CHST12: variants seen among roughly 807,000 people sequenced by gnomAD.
The protein encoded by CHST12 is carbohydrate sulfotransferase 12, also known as carbohydrate (chondroitin 4) sulfotransferase 12.
CHST12 carries 23 observed loss-of-function variants against 27.9 expected under a neutral mutation model. The ratio of observed to expected loss-of-function variants is 0.82; its 90% CI spans 0.59 to 1.17. The LOEUF (loss-of-function observed/expected upper bound fraction) is 1.17. CHST12 is among the 50% of genes most tolerant of loss of function. The probability of loss-of-function intolerance (pLI) is 0.00; values close to 1 mark genes in which losing one functional copy is unlikely to be tolerated. For missense variants in CHST12, 682 were observed against 603.0 expected (o/e 1.13, Z -1.37); for synonymous variants, 322 against 273.0 (o/e 1.18, Z -1.77).
At position 2,441,420 on chromosome 7, in the gene CHST12, G is replaced by A. The variant is rs1251332853; in HGVS notation, c.*7536G>A. 6.6e-6 allele frequency: 1 copy of A among 152,170 alleles called. No individual in the cohort carries two copies. The highest frequency in any genetic ancestry group is 1.5e-5 in the Non-Finnish European group (1 of 68,034). 9.4% of individuals were successfully genotyped at this position (152,170 alleles called of 1,614,324 possible). The stretch of plus-strand genomic sequence containing the variant: ...GTAATGATAAGAATATGGCTGCAGG[G>A]GGCAGCTTATGCCTGTAATCCCACC... On this transcript the variant is annotated 3_prime_UTR_variant, in exon 2 of 2. Coordinates refer to ENST00000618655, the MANE Select transcript of CHST12 (RefSeq NM_018641.5).
chr7:2,405,005 G>C (rs1006955742), intron 1 of CHST12, among the ~76,000 whole-genome samples: 4 of 151,834 alleles, frequency 2.6e-5, no homozygotes, highest in East Asian at 1.9e-4. Context: ...GACATTTTCC[G>C]ACATTTTCCA....
chr7:2,420,132 C>T (rs1193843787), intron 1 of CHST12, among the ~76,000 whole-genome samples: 2 of 151,794 alleles, frequency 1.3e-5, no homozygotes, highest in African/African-American at 4.8e-5. Context: ...CGTCAGCATG[C>T]CCGGCTAATT....
At chr7:2,427,278 T>G (rs1316982963) in intron 1 of CHST12, among the ~76,000 whole-genome samples, 4 of 152,114 alleles carry the variant, frequency 2.6e-5, no homozygotes, top group Admixed American at 6.6e-5. Context: ...GTGGCCAGCT[T>G]GCTAGAGCCC....
rs1226010319 is a variant in CHST12, at chr7:2,447,299, TC to T, written c.*13416del. 2 of 152,202 alleles carry T rather than the reference TC, an allele frequency of 1.3e-5. No individual in the cohort carries two copies. The highest frequency in any genetic ancestry group is 4.8e-5 in the African/African-American group (2 of 41,424). The allele number at this position is 152,202 out of a possible 1,614,324, so 9.4% of individuals were successfully genotyped here. A position where few individuals can be genotyped will look rare whatever the true frequency, so the allele number is the denominator to read the frequency against. ...TCCTCCAAAGCCTCCTCCTCTTACA[TC>T]AGCAAACCTTCTGTTCGGTGACCCC... On this transcript the variant is annotated 3_prime_UTR_variant, in exon 2 of 2. Coordinates refer to ENST00000618655, the MANE Select transcript of CHST12 (RefSeq NM_018641.5).
intron 1 of CHST12, among the ~76,000 whole-genome samples, chr7:2,413,817 C>T (rs1346256320): frequency 6.6e-6 from 1 of 150,734 alleles, no homozygotes; most frequent in Non-Finnish European, 1.5e-5. Context: ...CAACCTCTGC[C>T]TCCTGGGTTC....
In CHST12 at chr7:2,442,988, C is replaced by T. The variant is rs1432220874; in HGVS notation, c.*9104C>T. ...CTAGGCTGGAGTGCAGTGGCATGATCTCGGCTCACTGCAACCCCTGCTTCC... is the reference window on the plus strand; with the variant it reads ...CTAGGCTGGAGTGCAGTGGCATGATTTCGGCTCACTGCAACCCCTGCTTCC... On this transcript the variant is annotated 3_prime_UTR_variant, in exon 2 of 2. Transcript: ENST00000618655. 6.6e-6 allele frequency: 1 copy of T among 152,166 alleles called. No homozygotes were observed. Among genetic ancestry groups the T allele is most frequent in the Non-Finnish European group, 1.5e-5 (1 of 68,068 alleles). The allele number at this position is 152,166 out of a possible 1,614,324, so 9.4% of individuals were successfully genotyped here.
chr7:2,413,300 A>G (rs1270379190), intron 1 of CHST12, among the ~76,000 whole-genome samples: 4 of 152,256 alleles, frequency 2.6e-5, no homozygotes, highest in Non-Finnish European at 5.9e-5. Flanking sequence ...GAGCTGGGCC[A>G]TTGCATTCAT....
intron 1 of CHST12, among the ~76,000 whole-genome samples, chr7:2,419,968 C>CTTTTTTTTT (rs869252983): frequency 1.7e-4 from 14 of 81,408 alleles, no homozygotes; most frequent in Admixed American, 3.8e-4. Flanking sequence ...AAATATTTGT[C>CTTTTTTTTT]TTTTTTTTTT....
chr7:2,426,502 G>A (rs1297120195), intron 1 of CHST12, among the ~76,000 whole-genome samples: 2 of 152,074 alleles, frequency 1.3e-5, no homozygotes, highest in Non-Finnish European at 2.9e-5. Context: ...GAAAGACTTC[G>A]CTGAGCTGGG....
chr7:2,412,008 C>T (rs975453452), intron 1 of CHST12, among the ~76,000 whole-genome samples: 2 of 152,110 alleles, frequency 1.3e-5, no homozygotes, highest in African/African-American at 4.8e-5. Flanking sequence ...GGCTTAGAGA[C>T]GGGAAGGAAG....
intron 1 of CHST12, among the ~76,000 whole-genome samples, chr7:2,429,113 G>A (rs1782207192): frequency 6.6e-6 from 1 of 152,194 alleles, no homozygotes; most frequent in South Asian, 2.1e-4. Flanking sequence ...TCTCTGCAGG[G>A]GGAAGCATAT....
chr7:2,438,230 G>A lies in CHST12; in HGVS notation c.*4346G>A, dbSNP rs912774340. 2 of 152,258 alleles carry A rather than the reference G, an allele frequency of 1.3e-5. No homozygotes were observed. Among genetic ancestry groups the A allele is most frequent in the African/African-American group, 2.4e-5 (1 of 41,432 alleles). The allele number at this position is 152,258 out of a possible 1,614,324, so 9.4% of individuals were successfully genotyped here. A position where few individuals can be genotyped will look rare whatever the true frequency, so the allele number is the denominator to read the frequency against. On this transcript the variant is annotated 3_prime_UTR_variant, in exon 2 of 2. Transcript: ENST00000618655. ...GGACCTTTCCTGAATGTGTTGGTTC[G>A]GCATGGTGACAGGTGTTTCCCTGCG...
intron 1 of CHST12, among the ~76,000 whole-genome samples, chr7:2,415,112 C>T (rs1781770112): frequency 6.6e-6 from 1 of 152,214 alleles, no homozygotes; most frequent in Admixed American, 6.5e-5. Context: ...ACGCCTCAGT[C>T]CCTGCACTTT....
chr7:2,425,273 G>A (rs191964713), intron 1 of CHST12, among the ~76,000 whole-genome samples: 121 of 150,986 alleles, frequency 8.0e-4, no homozygotes, highest in African/African-American at 2.8e-3. Context: ...TGAGGACCGC[G>A]CTTAGTCAGC....
rs1428527621 is a variant in CHST12 at position 2,433,422 on chromosome 7, G to A, written c.783G>A (p.Leu261=). 6.2e-7 allele frequency: 1 copy of A among 1,609,596 alleles called. No homozygotes were observed. Among genetic ancestry groups the A allele is most frequent in the Non-Finnish European group, 8.5e-7 (1 of 1,179,932 alleles). ...LISAFRSKFE[L]ENEEFYRKFA... ...CCGCCTTCCGCAGCAAGTTCGAGCT[G>A]GAGAACGAGGAGTTCTACCGCAAGT... Residue 261 remains leucine (L), a synonymous_variant, in exon 2 of 2, where the codon CTG becomes CTA. Coordinates refer to ENST00000618655, the MANE Select transcript of CHST12 (RefSeq NM_018641.5). The surrounding 1 kb of genome is among the most constrained non-coding windows in gnomAD (Gnocchi z 6.1).
intron 1 of CHST12, among the ~76,000 whole-genome samples, chr7:2,427,186 CAAAAG>C (rs1434889306): frequency 1.4e-5 from 2 of 138,760 alleles, no homozygotes; most frequent in Non-Finnish European, 3.1e-5. Context: ...CCCTGTCTCA[CAAAAG>C]AAAAAAGAGA....
At chr7:2,409,913 C>G (rs537152545) in intron 1 of CHST12, among the ~76,000 whole-genome samples, 2 of 151,966 alleles carry the variant, frequency 1.3e-5, no homozygotes, top group African/African-American at 2.4e-5. Context: ...TATGCTGTCT[C>G]GTCGTTGTGG....
chr7:2,405,067 G>GA (rs1333074039), intron 1 of CHST12, among the ~76,000 whole-genome samples: 1 of 152,194 alleles, frequency 6.6e-6, no homozygotes. Context: ...GGCATGCAGA[G>GA]ATGTGGAAGT....
rs576456305 is a variant in CHST12 at position 2,444,943 on chromosome 7, T to A, written c.*11059T>A. The A allele has an allele frequency of 7.9e-5, 12 of 152,308 alleles. No homozygotes were observed. Among genetic ancestry groups the A allele is most frequent in the African/African-American group, 2.9e-4 (12 of 41,568 alleles). 9.4% of individuals were successfully genotyped at this position (152,308 alleles called of 1,614,324 possible). On this transcript the variant is annotated 3_prime_UTR_variant, in exon 2 of 2. Coordinates refer to ENST00000618655, the MANE Select transcript of CHST12 (RefSeq NM_018641.5). ...ATAACCGGGGCCTTAAAAAACAATC[T>A]GGATGAAATGGTTTTTGCCATTTCA...
Sources: gnomAD v4.1 joint callset for allele counts (sites outside exome capture counted in the v4.1 genomes callset) on GRCh38, gnomAD v4.1.1 for gene constraint, Gnocchi (gnomAD v3.1) non-coding constraint, MANE v1.5 for transcripts, NCBI Gene and HGNC (gene_info 2026-07-23, HGNC 2026-07-21) for gene names.